The following SGCZ variants were observed in gnomAD, a reference collection of about 807,000 sequenced individuals.
SGCZ encodes zeta-sarcoglycan.
SGCZ carries 40 observed loss-of-function variants against 41.3 expected under a neutral mutation model. The observed-to-expected ratio is 0.97, with a 90% CI of 0.75 to 1.26. The LOEUF (loss-of-function observed/expected upper bound fraction) is 1.26. Among genes scored for constraint, SGCZ ranks in the 50% most tolerant of loss-of-function variants. The pLI is 0.00. For missense variants in SGCZ, 552 were observed against 369.8 expected (o/e 1.49, Z -4.04); for synonymous variants, 206 against 137.5 (o/e 1.50, Z -3.49).
chr8:14,119,423 G>A (rs1037908365), intron 5 of SGCZ, among the ~76,000 whole-genome samples: 7 of 152,062 alleles, frequency 4.6e-5, no homozygotes, highest in African/African-American at 1.7e-4. Context: ...TATCCTGAGA[G>A]TTTCCTGATT....
At chr8:14,807,596 G>A (rs1282593355) in intron 1 of SGCZ, among the ~76,000 whole-genome samples, 1 of 151,686 alleles carries the variant, frequency 6.6e-6, no homozygotes, top group South Asian at 2.1e-4. Context: ...CAAACAAATG[G>A]AAGAACATTC....
intron 1 of SGCZ, among the ~76,000 whole-genome samples, chr8:15,198,479 G>A (rs138897773): frequency 6.6e-6 from 1 of 152,082 alleles, no homozygotes; most frequent in Non-Finnish European, 1.5e-5. Context: ...GTTAGGAAAT[G>A]AAAGTTTTTA....
chr8:14,820,577 T>G (rs1383315708), intron 1 of SGCZ, among the ~76,000 whole-genome samples: 2 of 152,076 alleles, frequency 1.3e-5, no homozygotes, highest in Non-Finnish European at 2.9e-5. Context: ...TTTTCCAGGA[T>G]AGATTACATG....
At chr8:15,210,238 G>C (rs561218920) in intron 1 of SGCZ, among the ~76,000 whole-genome samples, 3 of 152,186 alleles carry the variant, frequency 2.0e-5, no homozygotes, top group South Asian at 4.1e-4. Context: ...GTTTATGTGG[G>C]GTGATACGCA....
chr8:14,795,470 G>T (rs540288181), intron 1 of SGCZ, among the ~76,000 whole-genome samples: 1 of 151,898 alleles, frequency 6.6e-6, no homozygotes, highest in Non-Finnish European at 1.5e-5. Flanking sequence ...TTTGAGACAG[G>T]TTCTTGCTGT....
At chr8:14,541,282 C>T (rs926559629) in intron 2 of SGCZ, among the ~76,000 whole-genome samples, 1 of 151,910 alleles carries the variant, frequency 6.6e-6, no homozygotes, top group Non-Finnish European at 1.5e-5. Context: ...GGTATTTGTC[C>T]TAATGCTCTC....
At position 14,822,073 on chromosome 8, in the gene SGCZ, T is replaced by TACACACACAC. The variant is rs57337707; in HGVS notation, c.40-267157_40-267148dup. Among the ~76,000 whole-genome samples, 377 of 141,650 alleles carry TACACACACAC rather than the reference T, an allele frequency of 2.7e-3. 1 individual carries two copies. The highest frequency in any genetic ancestry group is 8.5e-3 in the African/African-American group (329 of 38,576). The allele number at this position is 141,650 out of a possible 152,430, so 92.9% of individuals were successfully genotyped here. A position where few individuals can be genotyped will look rare whatever the true frequency, so the allele number is the denominator to read the frequency against. ...TTTAAATATAAAAAACCCTAAAGATTACACACACACACACACACACACACA... is the reference window on the plus strand; with the variant it reads ...TTTAAATATAAAAAACCCTAAAGATTACACACACACACACACACACACACACACACACACA... On this transcript the variant is annotated intron_variant, in intron 1 of 7. Transcript: ENST00000382080.
At chr8:14,750,581 G>A (rs138221936) in intron 1 of SGCZ, among the ~76,000 whole-genome samples, 1 of 152,000 alleles carries the variant, frequency 6.6e-6, no homozygotes, top group African/African-American at 2.4e-5. Flanking sequence ...AAACATGTAG[G>A]TTCCAAGAAT....
intron 3 of SGCZ, among the ~76,000 whole-genome samples, chr8:14,265,785 A>C (rs976339048): frequency 2.0e-5 from 3 of 151,862 alleles, no homozygotes; most frequent in Admixed American, 1.3e-4. Flanking sequence ...AATGAAATAA[A>C]TTAAAAAAAA....
At chr8:14,972,105 G>C (rs1346177685) in intron 1 of SGCZ, among the ~76,000 whole-genome samples, 1 of 151,764 alleles carries the variant, frequency 6.6e-6, no homozygotes, top group Non-Finnish European at 1.5e-5. Flanking sequence ...TGTAGACTTT[G>C]GTATTATTTC....
At chr8:14,452,579 T>A (rs1057068797) in intron 2 of SGCZ, among the ~76,000 whole-genome samples, 1 of 152,156 alleles carries the variant, frequency 6.6e-6, no homozygotes, top group Non-Finnish European at 1.5e-5. Context: ...TCTTTAAAGA[T>A]GGTTTGTAAA....
chr8:14,277,809 A>C (rs190736672), intron 3 of SGCZ, among the ~76,000 whole-genome samples: 16 of 152,276 alleles, frequency 1.1e-4, no homozygotes, highest in Admixed American at 3.9e-4. Context: ...CTGAGGAAGG[A>C]AACTTCTTTC....
intron 4 of SGCZ, among the ~76,000 whole-genome samples, chr8:14,186,461 A>C (rs1804904334): frequency 6.6e-6 from 1 of 152,166 alleles, no homozygotes; most frequent in Non-Finnish European, 1.5e-5. Flanking sequence ...AGATGTCAAC[A>C]TTTCTTAAAT....
intron 4 of SGCZ, among the ~76,000 whole-genome samples, chr8:14,215,441 A>G (rs1321232004): frequency 1.3e-5 from 2 of 152,118 alleles, no homozygotes; most frequent in Non-Finnish European, 2.9e-5. Context: ...GAATAATCTA[A>G]GTTCTTACTT....
At chr8:15,080,100 ATTTT>A (rs1281643342) in intron 1 of SGCZ, among the ~76,000 whole-genome samples, 1 of 151,702 alleles carries the variant, frequency 6.6e-6, no homozygotes, top group Non-Finnish European at 1.5e-5. Flanking sequence ...GTAAAGACCC[ATTTT>A]CAATTATTTA....
At chr8:14,370,612 A>G (rs1803876425) in intron 2 of SGCZ, among the ~76,000 whole-genome samples, 1 of 151,876 alleles carries the variant, frequency 6.6e-6, no homozygotes, top group Non-Finnish European at 1.5e-5. Context: ...TTATATTCAT[A>G]TATTTATATT....
intron 5 of SGCZ, among the ~76,000 whole-genome samples, chr8:14,157,748 T>C (rs1025188837): frequency 1.3e-5 from 2 of 152,120 alleles, no homozygotes; most frequent in African/African-American, 4.8e-5. Context: ...AAAAGAGGGA[T>C]AGAAGAAGGT....
chr8:14,576,371 A>G (rs1804712684), intron 1 of SGCZ, among the ~76,000 whole-genome samples: 1 of 152,222 alleles, frequency 6.6e-6, no homozygotes, highest in African/African-American at 2.4e-5. Context: ...TGAGTTTTAG[A>G]ATCAGTCCAG....
chr8:14,758,710 TA>T (rs1373502979), intron 1 of SGCZ, among the ~76,000 whole-genome samples: 1 of 152,194 alleles, frequency 6.6e-6, no homozygotes, highest in Non-Finnish European at 1.5e-5. Flanking sequence ...TTTATTTTCT[TA>T]AAATTCTTTA....
Sources: allele counts gnomAD v4.1 joint callset (sites outside exome capture counted in the v4.1 genomes callset), GRCh38; gene constraint gnomAD v4.1.1; transcripts MANE v1.5; gene names NCBI Gene and HGNC (gene_info 2026-07-23, HGNC 2026-07-21).